TAS2R1: variants seen among roughly 807,000 people sequenced by gnomAD.
TAS2R1 encodes the protein taste 2 receptor member 1.
For synonymous variants in TAS2R1, 141 were observed against 134.2 expected, an observed-to-expected ratio of 1.05 and a Z score of -0.35; for missense variants, 370 against 353.4, an observed-to-expected ratio of 1.05 and a Z score of -0.38.
the TAS2R1 span, among the ~76,000 whole-genome samples, chr5:9,760,504 G>A: frequency 1.3e-5 from 2 of 152,142 alleles, no homozygotes; most frequent in South Asian, 2.1e-4. Flanking sequence ...CAACTAAGTG[G>A]GAAATATTAC....
intron 2 of TAS2R1, among the ~76,000 whole-genome samples, chr5:9,636,336 G>T (rs181894751): frequency 2.0e-5 from 3 of 152,102 alleles, no homozygotes; most frequent in Admixed American, 2.0e-4. Context: ...AAATTATATT[G>T]AGACTTGTTT....
chr5:9,852,525 G>T, the TAS2R1 span, among the ~76,000 whole-genome samples: 2 of 152,160 alleles, frequency 1.3e-5, no homozygotes, highest in Non-Finnish European at 2.9e-5. Context: ...TTGAAACTCA[G>T]TGCCTCCCAC....
chr5:9,651,168 G>C (rs1048357755), intron 2 of TAS2R1, among the ~76,000 whole-genome samples: 2 of 152,124 alleles, frequency 1.3e-5, no homozygotes, highest in Non-Finnish European at 2.9e-5. Flanking sequence ...TCTGTCATCA[G>C]CTCCTTTCAG....
the TAS2R1 span, among the ~76,000 whole-genome samples, chr5:9,814,595 C>A: frequency 6.6e-6 from 1 of 152,116 alleles, no homozygotes; most frequent in African/African-American, 2.4e-5. Flanking sequence ...GTCAATCCTA[C>A]GTTCTTTCTT....
At chr5:9,633,294 T>TTTTATATATATATATATATATATA (rs1554051825), upstream of TAS2R1, among the ~76,000 whole-genome samples, 4 of 67,792 alleles carry the variant, frequency 5.9e-5, no homozygotes, top group Admixed American at 2.9e-4. Flanking sequence ...TGTGTGTATA[T>TTTTATATATATATATATATATATA]TATATATATA....
chr5:9,661,403 A>G (rs754596199), intron 1 of TAS2R1, among the ~76,000 whole-genome samples: 1 of 152,200 alleles, frequency 6.6e-6, no homozygotes, highest in Admixed American at 6.5e-5. Flanking sequence ...CCTAAACACA[A>G]TCCTGAAGGT....
At chr5:9,711,516 T>C (rs1346770544) in intron 1 of TAS2R1, among the ~76,000 whole-genome samples, 4 of 151,838 alleles carry the variant, frequency 2.6e-5, no homozygotes, top group Non-Finnish European at 5.9e-5. Context: ...TGGTGGGAGG[T>C]GGAAACGGGG....
Position 9,664,303 on chromosome 5 carries a change from A to G in TAS2R1, c.-241-4722T>C, listed in dbSNP as rs548704369. Among the ~76,000 whole-genome samples the G allele has an allele frequency of 2.4e-4, 36 of 152,314 alleles. No homozygotes were observed. In the South Asian group the frequency reaches 6.2e-3, roughly 26 times the overall value. The stretch of plus-strand genomic sequence containing the variant: ...CAGAGGTTGTTATATCAAATACATC[A>G]GATGTCAATTGCAAATGTAAATTTT... On this transcript the variant is annotated intron_variant, in intron 1 of 2. Transcript: ENST00000506620.
the TAS2R1 span, among the ~76,000 whole-genome samples, chr5:9,799,965 T>C: frequency 6.6e-6 from 1 of 152,240 alleles, no homozygotes; most frequent in Non-Finnish European, 1.5e-5. Flanking sequence ...TGTTGCTCTA[T>C]AGGAAACAAC....
the TAS2R1 span, among the ~76,000 whole-genome samples, chr5:9,900,147 C>A: frequency 1.3e-5 from 2 of 152,192 alleles, no homozygotes; most frequent in African/African-American, 4.8e-5. Flanking sequence ...CTCTCTGAAA[C>A]TAAATGTCTT....
intron 2 of TAS2R1, among the ~76,000 whole-genome samples, chr5:9,656,457 G>C (rs943975608): frequency 6.6e-6 from 1 of 152,190 alleles, no homozygotes; most frequent in African/African-American, 2.4e-5. Context: ...CAGCCGATGG[G>C]ATAAGTTCTA....
chr5:9,636,043 C>T (rs1219902137), intron 2 of TAS2R1, among the ~76,000 whole-genome samples: 2 of 151,710 alleles, frequency 1.3e-5, no homozygotes, highest in Admixed American at 6.6e-5. Flanking sequence ...TTTATTTATG[C>T]TCTTTCAGAC....
chr5:9,628,825 G>A lies in TAS2R1; in HGVS notation c.*308C>T, dbSNP rs1739809358. ...GTAGATTTGAATGCATTTGTAAGAA[G>A]GAATACAGAAAGACCCTGAACCATT... On this transcript the variant is annotated 3_prime_UTR_variant, in exon 1 of 1. Transcript: ENST00000382492. Among the ~76,000 whole-genome samples, 1 of 152,124 alleles carries A rather than the reference G, an allele frequency of 6.6e-6. No homozygotes were observed. Among genetic ancestry groups the A allele is most frequent in the South Asian group, 2.1e-4 (1 of 4,826 alleles).
At chr5:9,689,974 A>G (rs977221373) in intron 1 of TAS2R1, among the ~76,000 whole-genome samples, 6 of 152,232 alleles carry the variant, frequency 3.9e-5, no homozygotes, top group African/African-American at 1.4e-4. Context: ...CTGTGTTTGC[A>G]TAAATAAGTT....
chr5:9,723,376 C>T, the TAS2R1 span, among the ~76,000 whole-genome samples: 4 of 152,154 alleles, frequency 2.6e-5, no homozygotes, highest in Admixed American at 2.6e-4. Context: ...AGCTTATTAC[C>T]TGTCTTCACA....
the TAS2R1 span, among the ~76,000 whole-genome samples, chr5:9,849,862 C>T: frequency 3.3e-5 from 5 of 152,210 alleles, no homozygotes; most frequent in Non-Finnish European, 7.3e-5. Context: ...CTATACCTTT[C>T]ATGCATCTGG....
upstream of TAS2R1, among the ~76,000 whole-genome samples, chr5:9,630,795 G>A (rs1739858881): frequency 6.6e-6 from 1 of 152,202 alleles, no homozygotes; most frequent in African/African-American, 2.4e-5. Context: ...CCAAAATTAT[G>A]AGAGTTTTAT....
intron 2 of TAS2R1, among the ~76,000 whole-genome samples, chr5:9,649,803 G>T (rs982282982): frequency 6.6e-6 from 1 of 152,166 alleles, no homozygotes; most frequent in African/African-American, 2.4e-5. Flanking sequence ...ATTAAAGTTA[G>T]ATTCATGACA....
At chr5:9,646,982 T>C (rs1162256230) in intron 2 of TAS2R1, among the ~76,000 whole-genome samples, 1 of 152,180 alleles carries the variant, frequency 6.6e-6, no homozygotes, top group Non-Finnish European at 1.5e-5. Context: ...TGTCATAGCG[T>C]ATAAAATATT....
Sources: gnomAD v4.1 joint callset for allele counts (sites outside exome capture counted in the v4.1 genomes callset) on GRCh38, gnomAD v4.1.1 for gene constraint, MANE v1.5 for transcripts, NCBI Gene and HGNC (gene_info 2026-07-23, HGNC 2026-07-21) for gene names.